CSMD1: variants seen among roughly 807,000 people sequenced by gnomAD.
CSMD1 encodes CUB and sushi domain-containing protein 1.
A neutral mutation model predicts 417.5 loss-of-function variants in CSMD1; 213 were observed. That is an observed-to-expected ratio of 0.51 (90% CI 0.46 to 0.57). CSMD1 has a LOEUF of 0.57. Ranked by LOEUF, CSMD1 falls within the 20% of genes least tolerant of loss-of-function variation. The probability of loss-of-function intolerance (pLI) is 0.00; values close to 1 mark genes in which losing one functional copy is unlikely to be tolerated. For missense variants in CSMD1, 6,923 were observed against 4,529.7 expected (o/e 1.53, Z -15.17); for synonymous variants, 2,862 against 1,736.8 (o/e 1.65, Z -16.11).
chr8:4,123,653 G>T (rs1367546615), intron 3 of CSMD1, among the ~76,000 whole-genome samples: 1 of 152,144 alleles, frequency 6.6e-6, no homozygotes, highest in African/African-American at 2.4e-5. Context: ...ATGGGAACTG[G>T]TAACACTCTT....
chr8:3,765,247 G>C (rs546129941), intron 5 of CSMD1, among the ~76,000 whole-genome samples: 2 of 152,078 alleles, frequency 1.3e-5, no homozygotes, highest in East Asian at 3.9e-4. Context: ...TCCTGCTTTC[G>C]CCCTTGATCC....
Position 3,903,216 on chromosome 8 carries a change from G to C in CSMD1, c.818+94687C>G, listed in dbSNP as rs148685630. 2.4e-3 allele frequency among the ~76,000 whole-genome samples: 362 copies of C among 152,178 alleles called. 2 individuals carry two copies. The highest frequency in any genetic ancestry group is 2.1e-3 in the Non-Finnish European group (144 of 68,008). On this transcript the variant is annotated intron_variant, in intron 5 of 69. Transcript: ENST00000635120. ...TACCCTTCAGTGTGACTCTGCACCA[G>C]TGGCCTCTAAAATTTACTCCTTGTC...
chr8:3,825,052 G>C (rs756739653), intron 5 of CSMD1, among the ~76,000 whole-genome samples: 1 of 152,128 alleles, frequency 6.6e-6, no homozygotes, highest in African/African-American at 2.4e-5. Flanking sequence ...GGGAGACTTC[G>C]CTGTGATGAG....
chr8:4,934,461 C>A (rs11136807), intron 1 of CSMD1, among the ~76,000 whole-genome samples: 144,430 of 152,246 alleles, frequency 0.95, 68,854 homozygotes, highest in East Asian at 1. Context: ...GTATTCACAT[C>A]AACACTCCAC....
intron 5 of CSMD1, among the ~76,000 whole-genome samples, chr8:3,870,765 A>G (rs866494533): frequency 1.3e-5 from 2 of 152,158 alleles, no homozygotes; most frequent in Non-Finnish European, 2.9e-5. Flanking sequence ...AAATAAATGT[A>G]TATTAATTAG....
intron 26 of CSMD1, among the ~76,000 whole-genome samples, chr8:3,254,727 C>A (rs1018813449): frequency 3.3e-5 from 5 of 152,140 alleles, no homozygotes; most frequent in African/African-American, 1.2e-4. Context: ...TCCGTCAGGT[C>A]CTTTAAGGAC....
At chr8:3,997,802 G>C in intron 5 of CSMD1, 101 bp downstream of exon 5, 2 of 1,040,250 alleles carry the variant, frequency 1.9e-6, no homozygotes, top group East Asian at 2.6e-5. Flanking sequence ...ACACATGCTT[G>C]CCCATGAACG....
chr8:4,468,155 A>T (rs749100458), intron 2 of CSMD1, among the ~76,000 whole-genome samples: 2 of 152,042 alleles, frequency 1.3e-5, no homozygotes, highest in Admixed American at 6.6e-5. Flanking sequence ...ACAGCTCTCT[A>T]TTTTCTGTGC....
chr8:3,883,602 T>C (rs1806357389), intron 5 of CSMD1, among the ~76,000 whole-genome samples: 1 of 152,170 alleles, frequency 6.6e-6, no homozygotes, highest in Non-Finnish European at 1.5e-5. Flanking sequence ...GTGTTATTAT[T>C]TATTTGATAT....
At chr8:4,371,515 C>T (rs1353754092) in intron 3 of CSMD1, among the ~76,000 whole-genome samples, 1 of 152,008 alleles carries the variant, frequency 6.6e-6, no homozygotes, top group Non-Finnish European at 1.5e-5. Context: ...TGGGATATTC[C>T]CTTATGCAAA....
chr8:3,719,836 G>C (rs1291457057), intron 6 of CSMD1, among the ~76,000 whole-genome samples: 1 of 152,134 alleles, frequency 6.6e-6, no homozygotes, highest in Non-Finnish European at 1.5e-5. Flanking sequence ...CCTCACAGTG[G>C]GGATTTTGAA....
At chr8:3,881,417 C>G (rs367646606) in intron 5 of CSMD1, among the ~76,000 whole-genome samples, 53 of 151,502 alleles carry the variant, frequency 3.5e-4, no homozygotes, top group African/African-American at 1.1e-3. Flanking sequence ...AGGCAGATCA[C>G]AAGGTTAGGA....
At chr8:4,368,694 G>C (rs1006805457) in intron 3 of CSMD1, among the ~76,000 whole-genome samples, 3 of 152,074 alleles carry the variant, frequency 2.0e-5, no homozygotes, top group Admixed American at 2.0e-4. Flanking sequence ...CTTAATATGA[G>C]ATGTTGTGTA....
At chr8:4,280,529 A>G (rs1796723961) in intron 3 of CSMD1, among the ~76,000 whole-genome samples, 1 of 152,238 alleles carries the variant, frequency 6.6e-6, no homozygotes, top group South Asian at 2.1e-4. Context: ...AATTGTTTAC[A>G]GTGCCCACAT....
At chr8:4,238,040 T>G (rs543041238) in intron 3 of CSMD1, among the ~76,000 whole-genome samples, 1 of 152,236 alleles carries the variant, frequency 6.6e-6, no homozygotes, top group African/African-American at 2.4e-5. Context: ...TCCAGCACGT[T>G]GCTTAGTTTT....
At chr8:4,401,946 G>A (rs192239411) in intron 3 of CSMD1, among the ~76,000 whole-genome samples, 10 of 152,040 alleles carry the variant, frequency 6.6e-5, no homozygotes, top group African/African-American at 2.4e-4. Context: ...CTGCTCTCCC[G>A]TGCATTTGAT....
chr8:3,498,976 A>G (rs28582711), intron 10 of CSMD1, among the ~76,000 whole-genome samples: 12,802 of 152,218 alleles, frequency 0.084, 577 homozygotes, highest in African/African-American at 0.099. Context: ...TAAAAATCAT[A>G]TAGGCATTTT....
At chr8:2,942,744 T>C (rs946716196) in intron 68 of CSMD1, 140 bp from the exon 69 acceptor site, 12 of 624,682 alleles carry the variant, frequency 1.9e-5, no homozygotes, top group Admixed American at 3.3e-5. Flanking sequence ...ATGATATTCT[T>C]TTCTAAAGAT....
intron 26 of CSMD1, among the ~76,000 whole-genome samples, chr8:3,254,135 G>A (rs1430640368): frequency 6.6e-6 from 1 of 152,122 alleles, no homozygotes; most frequent in Non-Finnish European, 1.5e-5. Context: ...CACTTAGGAA[G>A]CTTAGTTTGG....
Sources: allele counts gnomAD v4.1 joint callset (sites outside exome capture counted in the v4.1 genomes callset), GRCh38; gene constraint gnomAD v4.1.1; transcripts MANE v1.5; gene names NCBI Gene and HGNC (gene_info 2026-07-23, HGNC 2026-07-21).